The following NRG3 variants were observed in gnomAD, a reference collection of about 807,000 sequenced individuals.
NRG3 encodes pro-neuregulin-3, membrane-bound isoform.
In NRG3, 31 loss-of-function variants were observed where a neutral mutation model predicts 66.9. That is an observed-to-expected ratio of 0.46 (90% CI 0.35 to 0.63). The LOEUF (loss-of-function observed/expected upper bound fraction) is 0.63. Among genes scored for constraint, NRG3 ranks in the 20% least tolerant of loss-of-function variants. The probability of loss-of-function intolerance (pLI) is 0.00; values close to 1 mark genes in which losing one functional copy is unlikely to be tolerated. For missense variants in NRG3, 910 were observed against 878.9 expected, an observed-to-expected ratio of 1.04 and a Z score of -0.45; for synonymous variants, 393 against 359.4, an observed-to-expected ratio of 1.09 and a Z score of -1.06.
chr10:82,136,462 A>G (rs2069356041), intron 1 of NRG3, among the ~76,000 whole-genome samples: 1 of 152,126 alleles, frequency 6.6e-6, no homozygotes, highest in Admixed American at 6.5e-5. Context: ...AATGCCATGC[A>G]CAAGCCATGG....
At chr10:82,506,897 G>A (rs1004025325) in intron 2 of NRG3, among the ~76,000 whole-genome samples, 2 of 152,144 alleles carry the variant, frequency 1.3e-5, no homozygotes, top group Admixed American at 6.6e-5. Flanking sequence ...CTGTGATCAC[G>A]TCTCAGGGTT....
At chr10:82,844,617 T>G (rs900426497) in intron 3 of NRG3, among the ~76,000 whole-genome samples, 12 of 152,010 alleles carry the variant, frequency 7.9e-5, no homozygotes, top group African/African-American at 2.9e-4. Context: ...TAACAACATT[T>G]TACAGGATAG....
At chr10:82,358,701 A>T in intron 1 of NRG3, 38 bp from the exon 2 acceptor site, 1 of 1,613,098 alleles carries the variant, frequency 6.2e-7, no homozygotes, top group East Asian at 2.2e-5. Context: ...GTCAGAATGT[A>T]CTGCTGACAG....
intron 4 of NRG3, among the ~76,000 whole-genome samples, chr10:82,904,908 C>T (rs1316218669): frequency 6.6e-6 from 1 of 152,068 alleles, no homozygotes; most frequent in East Asian, 1.9e-4. Flanking sequence ...CTAACAGAAA[C>T]AAAATGTGAG....
intron 2 of NRG3, among the ~76,000 whole-genome samples, chr10:82,621,148 T>A (rs1483296207): frequency 1.3e-5 from 2 of 152,146 alleles, no homozygotes; most frequent in Non-Finnish European, 2.9e-5. Context: ...TTAAAAGAGT[T>A]GGAGTCTTGA....
chr10:82,985,436 T>A lies in NRG3; in HGVS notation c.1922T>A (p.Leu641Gln), dbSNP rs1356138321. 24 of 1,614,152 alleles carry A rather than the reference T, an allele frequency of 1.5e-5. No homozygotes were observed. Among genetic ancestry groups the A allele is most frequent in the Non-Finnish European group, 1.9e-5 (23 of 1,180,014 alleles). Residue 641 changes from leucine to glutamine, a missense_variant, in exon 9 of 9, where the codon CTG becomes CAG. By Grantham distance (113) the Leu-to-Gln change is moderately radical. Coordinates refer to ENST00000372141, the MANE Select transcript of NRG3 (RefSeq NM_001010848.4). Reference protein sequence around the residue: ...LETVQEQIRILTDARRSEDYE... With the variant: ...LETVQEQIRIQTDARRSEDYE... The stretch of plus-strand genomic sequence containing the variant: ...ACTGTCCAGGAGCAGATCCGAATTC[T>A]GACTGATGCCAGACGGTCAGAAGAC...
chr10:82,739,416 A>G (rs991805807), intron 3 of NRG3, among the ~76,000 whole-genome samples: 1 of 152,232 alleles, frequency 6.6e-6, no homozygotes, highest in Non-Finnish European at 1.5e-5. Flanking sequence ...TAGTGAGGAT[A>G]ATGATAGGCA....
intron 1 of NRG3, among the ~76,000 whole-genome samples, chr10:82,325,841 A>G (rs1440367020): frequency 6.6e-6 from 1 of 152,178 alleles, no homozygotes; most frequent in Non-Finnish European, 1.5e-5. Context: ...CAAACATTGT[A>G]TATACATATA....
chr10:82,055,832 A>T (rs1157998850), intron 1 of NRG3, among the ~76,000 whole-genome samples: 2 of 152,202 alleles, frequency 1.3e-5, no homozygotes, highest in Non-Finnish European at 2.9e-5. Flanking sequence ...GGGACTGGAG[A>T]TAAAGGCAGG....
intron 2 of NRG3, among the ~76,000 whole-genome samples, chr10:82,415,398 G>T (rs2088475153): frequency 6.6e-6 from 1 of 152,102 alleles, no homozygotes; most frequent in African/African-American, 2.4e-5. Context: ...TACCACAAAG[G>T]TTTGCTAATG....
Position 82,793,719 on chromosome 10 carries a change from A to T in NRG3, c.1027+55069A>T, listed in dbSNP as rs550373594. Among the ~76,000 whole-genome samples the T allele has an allele frequency of 2.6e-5, 4 of 152,230 alleles. 1 individual carries two copies. The highest frequency in any genetic ancestry group is 9.6e-5 in the African/African-American group (4 of 41,546). ...GTCTTATCATCACTTTTATTCTGTGACTGAGATAGATGAGATTGTCTCTTC... is the reference window on the plus strand; with the variant it reads ...GTCTTATCATCACTTTTATTCTGTGTCTGAGATAGATGAGATTGTCTCTTC... On this transcript the variant is annotated intron_variant, in intron 3 of 8. Coordinates refer to ENST00000372141, the MANE Select transcript of NRG3 (RefSeq NM_001010848.4).
At chr10:82,262,081 T>C (rs2078059438) in intron 1 of NRG3, among the ~76,000 whole-genome samples, 1 of 152,134 alleles carries the variant, frequency 6.6e-6, no homozygotes, top group South Asian at 2.1e-4. Flanking sequence ...GCTGGAGCCA[T>C]GATTGGAAAG....
chr10:82,756,802 T>A (rs2059096648), intron 3 of NRG3, among the ~76,000 whole-genome samples: 1 of 151,452 alleles, frequency 6.6e-6, no homozygotes. Flanking sequence ...CAACACTTGC[T>A]GTGAACCAAG....
At chr10:82,698,704 T>C (rs747857793) in intron 2 of NRG3, among the ~76,000 whole-genome samples, 6 of 152,146 alleles carry the variant, frequency 3.9e-5, no homozygotes, top group Non-Finnish European at 7.4e-5. Context: ...ATCTGTAAAG[T>C]GCTGATAATA....
chr10:82,626,963 C>T (rs946844838), intron 2 of NRG3, among the ~76,000 whole-genome samples: 1 of 151,918 alleles, frequency 6.6e-6, no homozygotes, highest in African/African-American at 2.4e-5. Flanking sequence ...TATCAGCTAC[C>T]TTGAGAAAGA....
chr10:82,230,671 A>T (rs2076411180), intron 1 of NRG3, among the ~76,000 whole-genome samples: 1 of 152,168 alleles, frequency 6.6e-6, no homozygotes, highest in Non-Finnish European at 1.5e-5. Flanking sequence ...AATATTAAAT[A>T]TTTCTATCTG....
At chr10:82,536,750 G>A (rs896615241) in intron 2 of NRG3, among the ~76,000 whole-genome samples, 1 of 152,038 alleles carries the variant, frequency 6.6e-6, no homozygotes, top group African/African-American at 2.4e-5. Flanking sequence ...ATTCATCAGG[G>A]TCTACCTCTG....
At chr10:82,859,859 A>G (rs1310840984) in intron 3 of NRG3, among the ~76,000 whole-genome samples, 1 of 152,200 alleles carries the variant, frequency 6.6e-6, no homozygotes, top group Non-Finnish European at 1.5e-5. Context: ...ATAAATTTAT[A>G]GAATTTTTGT....
intron 1 of NRG3, among the ~76,000 whole-genome samples, chr10:82,024,459 C>G (rs1029252003): frequency 6.6e-6 from 1 of 151,554 alleles, no homozygotes; most frequent in African/African-American, 2.4e-5. Context: ...TTTCTTTTTC[C>G]TTTATTTCAC....
Sources: gnomAD v4.1 joint callset for allele counts (sites outside exome capture counted in the v4.1 genomes callset) on GRCh38, gnomAD v4.1.1 for gene constraint, MANE v1.5 for transcripts, NCBI Gene and HGNC (gene_info 2026-07-23, HGNC 2026-07-21) for gene names.